CDH20: variants seen among roughly 807,000 people sequenced by gnomAD.
CDH20 encodes cadherin 20, also known as cadherin-20.
Under a neutral mutation model 74.2 loss-of-function variants are expected in CDH20, and 29 were observed. The ratio of observed to expected loss-of-function variants is 0.39; its 90% CI spans 0.29 to 0.53. The LOEUF is 0.53. Ranked by LOEUF, CDH20 falls within the 20% of genes least tolerant of loss-of-function variation. CDH20 has a pLI of 0.69. For missense variants in CDH20, 988 were observed against 1,048.3 expected (o/e 0.94, Z 0.79); for synonymous variants, 469 against 405.4 (o/e 1.16, Z -1.88).
chr18:61,472,754 T>G (rs904717994), intron 1 of CDH20, among the ~76,000 whole-genome samples: 7 of 152,354 alleles, frequency 4.6e-5, no homozygotes, highest in Admixed American at 1.3e-4. Context: ...TAGTCACTAG[T>G]GCCCGTTAAA....
At chr18:61,516,456 A>C (rs1206987290) in intron 6 of CDH20, among the ~76,000 whole-genome samples, 1 of 152,192 alleles carries the variant, frequency 6.6e-6, no homozygotes, top group African/African-American at 2.4e-5. Flanking sequence ...TGTGAGAACA[A>C]AGAAGGGAAT....
intron 1 of CDH20, among the ~76,000 whole-genome samples, chr18:61,435,693 A>C (rs570051978): frequency 2.7e-5 from 4 of 150,370 alleles, no homozygotes; most frequent in African/African-American, 9.7e-5. Context: ...TAACAGCTTT[A>C]AATTATATAT....
chr18:61,420,784 G>A (rs2057924672), intron 1 of CDH20, among the ~76,000 whole-genome samples: 1 of 152,198 alleles, frequency 6.6e-6, no homozygotes, highest in South Asian at 2.1e-4. Context: ...GCTGGGCGCG[G>A]TGGCTCACTC....
At chr18:61,505,330 A>T (rs1019887870) in intron 5 of CDH20, among the ~76,000 whole-genome samples, 1 of 129,198 alleles carries the variant, frequency 7.7e-6, no homozygotes, top group African/African-American at 3.0e-5. Flanking sequence ...CTCCGAAACC[A>T]ATATCTTTTT....
intron 1 of CDH20, among the ~76,000 whole-genome samples, chr18:61,357,333 T>C (rs1008678189): frequency 1.3e-5 from 2 of 152,178 alleles, no homozygotes; most frequent in Non-Finnish European, 2.9e-5. Context: ...TATAATGGCT[T>C]AAATATTCTA....
At chr18:61,456,041 T>G (rs1457914102) in intron 1 of CDH20, among the ~76,000 whole-genome samples, 1 of 152,192 alleles carries the variant, frequency 6.6e-6, no homozygotes, top group Non-Finnish European at 1.5e-5. Context: ...TACAGAGTTC[T>G]AAAAAATGAA....
intron 6 of CDH20, among the ~76,000 whole-genome samples, chr18:61,526,121 C>CT (rs765492185): frequency 0.024 from 2,173 of 90,158 alleles, 58 homozygotes; most frequent in African/African-American, 0.046. Flanking sequence ...AAAAAGTTGA[C>CT]TTTTTTTTTT....
intron 1 of CDH20, among the ~76,000 whole-genome samples, chr18:61,369,089 A>G (rs931011744): frequency 6.6e-6 from 1 of 152,132 alleles, no homozygotes; most frequent in African/African-American, 2.4e-5. Context: ...CAAACCACCA[A>G]GAGGAAAAAG....
chr18:61,350,171 T>A (rs762642117), intron 1 of CDH20, among the ~76,000 whole-genome samples: 1 of 152,176 alleles, frequency 6.6e-6, no homozygotes, highest in Admixed American at 6.5e-5. Context: ...TGGTGGACAC[T>A]GCATTTCACA....
intron 1 of CDH20, among the ~76,000 whole-genome samples, chr18:61,430,512 T>C (rs1445671316): frequency 6.6e-6 from 1 of 152,234 alleles, no homozygotes; most frequent in Non-Finnish European, 1.5e-5. Context: ...TGGAAGGAAG[T>C]TACTCTGAAG....
At chr18:61,504,687 A>G (rs1353512209) in intron 5 of CDH20, among the ~76,000 whole-genome samples, 1 of 152,114 alleles carries the variant, frequency 6.6e-6, no homozygotes, top group Non-Finnish European at 1.5e-5. Flanking sequence ...TTAGCTAGGG[A>G]AACGGGGCTT....
chr18:61,461,023 T>A (rs1276532082), intron 1 of CDH20, among the ~76,000 whole-genome samples: 2 of 152,270 alleles, frequency 1.3e-5, no homozygotes, highest in East Asian at 3.9e-4. Context: ...CTAACGGTAA[T>A]ACATTAATTT....
chr18:61,470,323 T>A (rs1910121237), intron 1 of CDH20, among the ~76,000 whole-genome samples: 1 of 152,250 alleles, frequency 6.6e-6, no homozygotes, highest in South Asian at 2.1e-4. Context: ...TACGCCGTAT[T>A]GTTAATGGTC....
chr18:61,477,284 C>A (rs58286247), intron 1 of CDH20, among the ~76,000 whole-genome samples: 1,913 of 152,268 alleles, frequency 0.013, 43 homozygotes, highest in African/African-American at 0.044. Context: ...TGATAAACAA[C>A]ACCTTCTACA....
At chr18:61,342,791 T>G (rs1157049041) in intron 1 of CDH20, among the ~76,000 whole-genome samples, 1 of 152,202 alleles carries the variant, frequency 6.6e-6, no homozygotes, top group African/African-American at 2.4e-5. Flanking sequence ...CAGATCATAA[T>G]GTAGATAGTT....
At chr18:61,348,440 G>A (rs1910203332) in intron 1 of CDH20, among the ~76,000 whole-genome samples, 1 of 152,146 alleles carries the variant, frequency 6.6e-6, no homozygotes, top group Non-Finnish European at 1.5e-5. Flanking sequence ...CTTGGGTGTT[G>A]AATTTCTCTC....
rs769954697 is a variant in CDH20, at chr18:61,499,316, A to C, written c.377A>C (p.Glu126Ala). Reference sequence around the variant, plus strand: ...GCCATTCAGAGGCTCGACCGAGAGGAAAGAGCCCAGTATACTCTAAGGGCT... The same window carrying C: ...GCCATTCAGAGGCTCGACCGAGAGGCAAGAGCCCAGTATACTCTAAGGGCT... ...IHAIQRLDRE[E>A]RAQYTLRAQA... Residue 126 changes from glutamate to alanine, a missense_variant, in exon 3 of 12, where the codon GAA (glutamate) becomes GCA (alanine). Transcript: ENST00000262717. The C allele has an allele frequency of 1.2e-5, 20 of 1,614,060 alleles. No individual in the cohort carries two copies. In the South Asian group the frequency reaches 2.1e-4, roughly 17 times the overall value.
chr18:61,416,960 A>G (rs1335736936), intron 1 of CDH20, among the ~76,000 whole-genome samples: 3 of 152,234 alleles, frequency 2.0e-5, no homozygotes, highest in Non-Finnish European at 4.4e-5. Context: ...ATCTTCTCAC[A>G]TTTGGTTTAA....
intron 9 of CDH20, among the ~76,000 whole-genome samples, chr18:61,539,402 T>C (rs976249977): frequency 6.6e-6 from 1 of 152,150 alleles, no homozygotes; most frequent in Admixed American, 6.5e-5. Context: ...GCCCAGGAGT[T>C]TGAGACCAGC....
Sources: gnomAD v4.1 joint callset for allele counts (sites outside exome capture counted in the v4.1 genomes callset) on GRCh38, gnomAD v4.1.1 for gene constraint, MANE v1.5 for transcripts, NCBI Gene and HGNC (gene_info 2026-07-23, HGNC 2026-07-21) for gene names.